Variants in BICRA observed in about 807,000 individuals in gnomAD.
The protein encoded by BICRA is BRD4-interacting chromatin-remodeling complex-associated protein.
In BICRA, 31 loss-of-function variants were observed where a neutral mutation model predicts 96.9. The ratio of observed to expected loss-of-function variants is 0.32; its 90% confidence interval spans 0.24 to 0.43. The LOEUF (loss-of-function observed/expected upper bound fraction) is 0.43. Among genes scored for constraint, BICRA ranks in the 20% least tolerant of loss-of-function variants. The pLI, the probability that BICRA is intolerant of heterozygous loss-of-function variation, is 1.00. For synonymous variants in BICRA, 1,350 were observed against 1,071.8 expected, an observed-to-expected ratio of 1.26 and a Z score of -5.07; for missense variants, 2,283 against 2,190.3, an observed-to-expected ratio of 1.04 and a Z score of -0.84.
intron 1 of BICRA, among the ~76,000 whole-genome samples, chr19:47,668,481 G>A (rs950456942): frequency 1.4e-5 from 2 of 140,508 alleles, no homozygotes; most frequent in Admixed American, 1.5e-4. Flanking sequence ...TCACATCTTT[G>A]TGAGTCTTTT....
rs1167782589 is a variant in BICRA, at chr19:47,675,804, C to T, written c.85-47C>T. On this transcript the variant is annotated intron_variant, in intron 4 of 14. Coordinates refer to ENST00000594866, the MANE Select transcript of BICRA (RefSeq NM_001394372.1). The surrounding 1 kb of genome is among the most constrained non-coding windows in gnomAD (Gnocchi z 4.7). ...ATTGGTTTCTGCTCCAGAGCATGGG[C>T]CTGCCCTGCTGACTTTTGACCTTGG... The T allele has an allele frequency of 6.8e-7, 1 of 1,459,936 alleles. No individual in the cohort carries two copies. Among genetic ancestry groups the T allele is most frequent in the Non-Finnish European group, 9.5e-7 (1 of 1,049,488 alleles). The allele number at this position is 1,459,936 out of a possible 1,614,324, so 90.4% of individuals were successfully genotyped here.
At position 47,701,484 on chromosome 19, in the gene BICRA, G is replaced by T; in HGVS notation, c.3752G>T (p.Gly1251Val). 1 of 1,549,798 alleles carries T rather than the reference G, an allele frequency of 6.5e-7. No homozygotes were observed. The change falls in exon 15 of 15, where the codon GGC becomes GTC. Residue 1251 changes from glycine to valine, a missense_variant. Coordinates refer to ENST00000594866, the MANE Select transcript of BICRA (RefSeq NM_001394372.1). This position sits in a 1 kb window ranked among gnomAD's most constrained non-coding sequence, Gnocchi z 5.4. ...CCCACCAAGCTTGTGATCCGGCACG[G>T]CGGGGCAGGCGGCTCCCCTTCGGTC... ...HLPTKLVIRH[G>V]GAGGSPSVTW...
In BICRA at chr19:47,698,085, C is replaced by T. The variant is rs989869772; in HGVS notation, c.3249-549C>T. ...ACACAGGAGTAAGTGACACAAAGTC[C>T]CTGCCCCCACAGTGCAGAGAGGCTG... On this transcript the variant is annotated intron_variant, in intron 11 of 14. Coordinates refer to ENST00000594866, the MANE Select transcript of BICRA (RefSeq NM_001394372.1). The surrounding 1 kb of genome is among the most constrained non-coding windows in gnomAD (Gnocchi z 4.8). Among the ~76,000 whole-genome samples, 1 of 152,168 alleles carries T rather than the reference C, an allele frequency of 6.6e-6. No individual in the cohort carries two copies.
chr19:47,687,601 G>T (rs1440005186), intron 7 of BICRA, among the ~76,000 whole-genome samples: 4 of 152,114 alleles, frequency 2.6e-5, no homozygotes, highest in Admixed American at 2.6e-4. Context: ...TGTGAGACCA[G>T]CCTGGCCAAC....
intron 1 of BICRA, among the ~76,000 whole-genome samples, chr19:47,658,088 A>G (rs926989774): frequency 3.3e-5 from 5 of 152,324 alleles, no homozygotes; most frequent in Admixed American, 3.3e-4. Context: ...TCTTCCCAAG[A>G]CAAGATTCTG....
Position 47,699,128 on chromosome 19 carries a change from C to T in BICRA, c.3492+69C>T. ...TGGGACACTGCCCCTTTCCCTCACC[C>T]GCTCTGGGCAAGGTGGAGCCTCCCG... On this transcript the variant is annotated intron_variant, in intron 13 of 14. Transcript: ENST00000594866. This position sits in a 1 kb window ranked among gnomAD's most constrained non-coding sequence, Gnocchi z 5.0. The T allele has an allele frequency of 8.5e-7, 1 of 1,177,138 alleles. No homozygotes were observed. The highest frequency in any genetic ancestry group is 1.2e-6 in the Non-Finnish European group (1 of 810,622). The allele number at this position is 1,177,138 out of a possible 1,614,324, so 72.9% of individuals were successfully genotyped here.
At chr19:47,610,885 C>G (rs2123499608) in intron 1 of BICRA, among the ~76,000 whole-genome samples, 1 of 152,204 alleles carries the variant, frequency 6.6e-6, no homozygotes, top group Non-Finnish European at 1.5e-5. Context: ...ACTGGTAGGA[C>G]TTTTGGGACA....
At chr19:47,612,625 C>T (rs1465483355) in intron 1 of BICRA, among the ~76,000 whole-genome samples, 1 of 151,058 alleles carries the variant, frequency 6.6e-6, no homozygotes, top group African/African-American at 2.4e-5. Context: ...GGCTGGGGGG[C>T]TGAGGGAGAG....
chr19:47,691,826 G>A (rs1271318841), intron 7 of BICRA, among the ~76,000 whole-genome samples: 1 of 152,118 alleles, frequency 6.6e-6, no homozygotes, highest in East Asian at 1.9e-4. Flanking sequence ...CTCCCAAAGT[G>A]CTGGGATTGC....
intron 7 of BICRA, among the ~76,000 whole-genome samples, chr19:47,686,544 A>G (rs1283248237): frequency 6.6e-6 from 1 of 151,768 alleles, no homozygotes; most frequent in African/African-American, 2.4e-5. Flanking sequence ...CCACCATGCC[A>G]AGCTGATTTT....
At chr19:47,652,428 A>G (rs1179694228) in intron 1 of BICRA, among the ~76,000 whole-genome samples, 1 of 152,074 alleles carries the variant, frequency 6.6e-6, no homozygotes, top group African/African-American at 2.4e-5. Flanking sequence ...GGCCCAAGTG[A>G]TCCTGCTCTC....
chr19:47,693,791 C>T (rs1029014584), intron 7 of BICRA, among the ~76,000 whole-genome samples: 6 of 152,188 alleles, frequency 3.9e-5, no homozygotes, highest in Admixed American at 1.3e-4. Flanking sequence ...CTGCTGCCAC[C>T]CCAACCCTGC....
chr19:47,703,036 A>G lies in BICRA; in HGVS notation c.*621A>G, dbSNP rs1310695666. On this transcript the variant is annotated 3_prime_UTR_variant, in exon 15 of 15. Transcript: ENST00000594866. Reference sequence around the variant, plus strand: ...CGAACGCCCACCCCTCGACTTTGAAATCTGAGCAAAACAAGAAACTGGGGT... The same window carrying G: ...CGAACGCCCACCCCTCGACTTTGAAGTCTGAGCAAAACAAGAAACTGGGGT... The G allele has an allele frequency of 2.0e-5, 3 of 152,614 alleles. No homozygotes were observed. The highest frequency in any genetic ancestry group is 7.2e-5 in the African/African-American group (3 of 41,396). The allele number at this position is 152,614 out of a possible 1,614,324, so 9.5% of individuals were successfully genotyped here. A position where few individuals can be genotyped will look rare whatever the true frequency, so the allele number is the denominator to read the frequency against.
At chr19:47,652,496 C>G (rs139626859) in intron 1 of BICRA, among the ~76,000 whole-genome samples, 3 of 152,228 alleles carry the variant, frequency 2.0e-5, no homozygotes, top group Admixed American at 1.3e-4. Context: ...CCTGTCCAGA[C>G]TCTGTATAGA....
At chr19:47,651,646 C>T (rs951759800) in intron 1 of BICRA, among the ~76,000 whole-genome samples, 7 of 152,100 alleles carry the variant, frequency 4.6e-5, no homozygotes, top group South Asian at 2.1e-4. Flanking sequence ...GTAGGGAGCC[C>T]TAAGAAGGGG....
In BICRA at chr19:47,680,568, G is replaced by T. The variant is rs1568570003; in HGVS notation, c.1398G>T (p.Leu466=). ...TCGTCATCCCCGCCCAGCACATGCTGCCGGGCCAGAACCAGTTCCTACTGC... is the reference window on the plus strand; with the variant it reads ...TCGTCATCCCCGCCCAGCACATGCTTCCGGGCCAGAACCAGTTCCTACTGC... ...SSIVIPAQHM[L]PGQNQFLLPG... Residue 466 remains leucine, a synonymous_variant, in exon 6 of 15, where the codon CTG becomes CTT. Coordinates refer to ENST00000594866, the MANE Select transcript of BICRA (RefSeq NM_001394372.1). 2 of 1,599,466 alleles carry T rather than the reference G, an allele frequency of 1.3e-6. No individual in the cohort carries two copies. The highest frequency in any genetic ancestry group is 2.2e-5 in the South Asian group (2 of 89,684).
At chr19:47,664,603 G>A (rs1266770632) in intron 1 of BICRA, among the ~76,000 whole-genome samples, 1 of 152,216 alleles carries the variant, frequency 6.6e-6, no homozygotes, top group Non-Finnish European at 1.5e-5. Context: ...TGGGTATGGA[G>A]TAAGCACAGG....
intron 1 of BICRA, among the ~76,000 whole-genome samples, chr19:47,631,168 A>T (rs142886452): frequency 1.7e-4 from 26 of 151,856 alleles, no homozygotes; most frequent in African/African-American, 5.8e-4. Flanking sequence ...CGATTCTTTC[A>T]CCTCAGCCTC....
Position 47,694,597 on chromosome 19 carries a change from C to A in BICRA, c.2766C>A (p.Pro922=). 3 of 1,555,290 alleles carry A rather than the reference C, an allele frequency of 1.9e-6. No homozygotes were observed. The highest frequency in any genetic ancestry group is 2.7e-6 in the Non-Finnish European group (3 of 1,127,650). ...AGGGGCCCCACAAGTCCCCCACTCC[C>A]CCTCCAACCCTCCACCTGGTCCCTG... ...PSQGPHKSPT[P]PPTLHLVPEP... The change falls in exon 8 of 15, where the codon CCC becomes CCA. Residue 922 remains proline, a synonymous_variant. Coordinates refer to ENST00000594866, the MANE Select transcript of BICRA (RefSeq NM_001394372.1).
Sources: allele counts gnomAD v4.1 joint callset (sites outside exome capture counted in the v4.1 genomes callset), GRCh38; gene constraint gnomAD v4.1.1; non-coding constraint Gnocchi (gnomAD v3.1); transcripts MANE v1.5; gene names NCBI Gene and HGNC (gene_info 2026-07-23, HGNC 2026-07-21).